Variants in PLA2G6 observed in about 807,000 individuals in gnomAD.
PLA2G6 encodes the protein 85/88 kDa calcium-independent phospholipase A2.
PLA2G6 carries 62 observed loss-of-function variants against 83.8 expected under a neutral mutation model. That is an observed-to-expected ratio of 0.74 (90% confidence interval 0.60 to 0.91). The LOEUF (loss-of-function observed/expected upper bound fraction) is 0.91, where lower values mean the gene tolerates loss of function less well. Among genes scored for constraint, PLA2G6 ranks in the 40% least tolerant of loss-of-function variants. The pLI is 0.00. For missense variants in PLA2G6, 944 were observed against 1,102.0 expected, an observed-to-expected ratio of 0.86 and a Z score of 2.03; for synonymous variants, 417 against 449.8, an observed-to-expected ratio of 0.93 and a Z score of 0.92.
chr22:38,148,681 C>T lies in PLA2G6; in HGVS notation c.210-3028G>A, dbSNP rs559116357. The T allele has an allele frequency of 1.9e-3, 1,239 of 641,406 alleles. 2 individuals carry two copies. Among genetic ancestry groups the T allele is most frequent in the Non-Finnish European group, 2.9e-3 (1,031 of 354,788 alleles). The allele number at this position is 641,406 out of a possible 1,614,324, so 39.7% of individuals were successfully genotyped here. A position where few individuals can be genotyped will look rare whatever the true frequency, so the allele number is the denominator to read the frequency against. On this transcript the variant is annotated intron_variant, in intron 2 of 16. Transcript: ENST00000332509. ...TACTTTGGGTTAGGGTCCTAAAGAA[C>T]TACGTAGCCTAGGAATAAGGGTGAG...
intron 10 of PLA2G6, among the ~76,000 whole-genome samples, chr22:38,124,077 C>T (rs1248911306): frequency 2.6e-5 from 4 of 152,116 alleles, no homozygotes; most frequent in South Asian, 4.1e-4. Flanking sequence ...TCATGTGATC[C>T]GCCTGTCTCG....
intron 9 of PLA2G6, chr22:38,127,020 C>T (rs757118854): frequency 1.0e-5 from 11 of 1,080,088 alleles, no homozygotes; most frequent in Non-Finnish European, 1.2e-5. Context: ...GCCCACCATC[C>T]ACTCTGTCCA....
At chr22:38,113,734 C>G (rs1184118937) in intron 14 of PLA2G6, 80 bp from the exon 15 acceptor site, 1 of 1,297,542 alleles carries the variant, frequency 7.7e-7, no homozygotes, top group East Asian at 2.3e-5. Flanking sequence ...AGGGGAGGCC[C>G]AAGACTGGGC....
chr22:38,147,359 C>T (rs1320731216), intron 2 of PLA2G6: 5 of 169,114 alleles, frequency 3.0e-5, no homozygotes, highest in Admixed American at 2.6e-4. Context: ...CCTCTACAAG[C>T]GCAGCAGCCA....
At chr22:38,178,271 T>A (rs1010358359) in intron 1 of PLA2G6, among the ~76,000 whole-genome samples, 1 of 152,078 alleles carries the variant, frequency 6.6e-6, no homozygotes, top group Non-Finnish European at 1.5e-5. Context: ...GAGGATACAA[T>A]CGTAAACAAA....
chr22:38,181,048 C>CT (rs1225382519), intron 1 of PLA2G6, among the ~76,000 whole-genome samples: 2 of 152,134 alleles, frequency 1.3e-5, no homozygotes, highest in Non-Finnish European at 2.9e-5. Context: ...CACAGGTCCC[C>CT]TTGCCCTGTG....
chr22:38,145,952 C>T, intron 2 of PLA2G6: 1 of 400,192 alleles, frequency 2.5e-6, no homozygotes, highest in Non-Finnish European at 4.7e-6. Context: ...TGACTCACTG[C>T]ATCTTCGAAT....
intron 10 of PLA2G6, among the ~76,000 whole-genome samples, chr22:38,125,139 T>C (rs1192359600): frequency 6.6e-6 from 1 of 152,196 alleles, no homozygotes; most frequent in Non-Finnish European, 1.5e-5. Flanking sequence ...TGTACATGTG[T>C]GTGCATGTGT....
chr22:38,148,463 T>C, intron 2 of PLA2G6: 1 of 715,296 alleles, frequency 1.4e-6, no homozygotes, highest in Admixed American at 2.0e-5. Context: ...TGGCAGGCAC[T>C]GGATACCTCA....
rs1009600817 is a variant in PLA2G6, at chr22:38,128,974, G to A, written c.1186+480C>T. 1.3e-5 allele frequency among the ~76,000 whole-genome samples: 2 copies of A among 152,246 alleles called. No homozygotes were observed. Among genetic ancestry groups the A allele is most frequent in the South Asian group, 2.1e-4 (1 of 4,838 alleles). On this transcript the variant is annotated intron_variant, in intron 8 of 16. Transcript: ENST00000332509. The surrounding 1 kb of genome is among the most constrained non-coding windows in gnomAD (Gnocchi z 4.4). ...CCTCCAGAGCGGGCTCCAGGCCTCT[G>A]GTGAGGAGGATCTGCTCTGTCCAGC...
intron 5 of PLA2G6, 29 bp downstream of exon 5, chr22:38,139,953 C>T: frequency 6.5e-7 from 1 of 1,528,348 alleles, no homozygotes; most frequent in Non-Finnish European, 8.9e-7. Flanking sequence ...CCCAGCAGGC[C>T]AGCAGATGGG....
intron 2 of PLA2G6, among the ~76,000 whole-genome samples, chr22:38,164,210 C>G (rs1416665498): frequency 1.3e-5 from 2 of 152,164 alleles, no homozygotes; most frequent in Non-Finnish European, 1.5e-5. Flanking sequence ...GCCCCCGCAC[C>G]ATAGGTCAGG....
chr22:38,148,844 G>A (rs1229089479), intron 2 of PLA2G6: 3 of 355,422 alleles, frequency 8.4e-6, no homozygotes, highest in Non-Finnish European at 1.5e-5. Flanking sequence ...CATCAAACTA[G>A]GCTCTAGATT....
chr22:38,118,550 C>T (rs2087340563), intron 12 of PLA2G6, among the ~76,000 whole-genome samples: 1 of 152,130 alleles, frequency 6.6e-6, no homozygotes, highest in Non-Finnish European at 1.5e-5. Flanking sequence ...TTGAGCATTT[C>T]TGAATGATCT....
rs776793367 is a variant in PLA2G6, at chr22:38,112,198, T to A, written c.2384A>T (p.Glu795Val). Residue 795 changes from glutamate (E) to valine (V), a missense_variant, in exon 17 of 17, where the codon GAG becomes GTG. Physicochemically the swap from Glu to Val is moderately radical, Grantham distance 121. Transcript: ENST00000332509. The stretch of plus-strand genomic sequence containing the variant: ...CAGCAGCTGGATGAGCTTCTGGAAC[T>A]CCTCGCGGTGCTCATAGATGTAGAC... ...TEVYIYEHRE[E>V]FQKLIQLLLS... is the part of the protein sequence containing the mutation. The A allele has an allele frequency of 6.2e-7, 1 of 1,603,852 alleles. No homozygotes were observed. Among genetic ancestry groups the A allele is most frequent in the Non-Finnish European group, 8.5e-7 (1 of 1,175,490 alleles).
chr22:38,126,688 G>A, intron 9 of PLA2G6: 1 of 540,420 alleles, frequency 1.9e-6, no homozygotes, highest in East Asian at 3.3e-5. Flanking sequence ...CTCTGGGAAG[G>A]GCTCCCCACC....
At chr22:38,155,218 C>T (rs2089730074) in intron 2 of PLA2G6, among the ~76,000 whole-genome samples, 1 of 149,930 alleles carries the variant, frequency 6.7e-6, no homozygotes, top group African/African-American at 2.5e-5. Context: ...CAGAGCAAGA[C>T]TCCATCTCAA....
At chr22:38,168,768 T>C (rs1371347472) in intron 2 of PLA2G6, among the ~76,000 whole-genome samples, 1 of 152,176 alleles carries the variant, frequency 6.6e-6, no homozygotes, top group Non-Finnish European at 1.5e-5. Flanking sequence ...GAGAATCGCT[T>C]GAACCTGGGA....
chr22:38,140,465 A>C, intron 4 of PLA2G6: 1 of 394,666 alleles, frequency 2.5e-6, no homozygotes, highest in Non-Finnish European at 4.8e-6. Flanking sequence ...CTGAGATTGC[A>C]TCATTGCACT....
Sources: gnomAD v4.1 joint callset for allele counts (sites outside exome capture counted in the v4.1 genomes callset) on GRCh38, gnomAD v4.1.1 for gene constraint, Gnocchi (gnomAD v3.1) non-coding constraint, MANE v1.5 for transcripts, NCBI Gene and HGNC (gene_info 2026-07-23, HGNC 2026-07-21) for gene names.